The following SNX2 variants were observed in gnomAD, a reference collection of about 807,000 sequenced individuals.
SNX2 encodes the protein sorting nexin-2.
Under a neutral mutation model 69.9 loss-of-function variants are expected in SNX2, and 25 were observed. The observed-to-expected ratio is 0.36, with a 90% confidence interval of 0.26 to 0.50. SNX2 has a LOEUF of 0.50. SNX2 is among the 20% of genes least tolerant of loss of function. The pLI, the probability that SNX2 is intolerant of heterozygous loss-of-function variation, is 0.97. For synonymous variants in SNX2, 229 were observed against 200.4 expected, an observed-to-expected ratio of 1.14 and a Z score of -1.20; for missense variants, 551 against 613.3, an observed-to-expected ratio of 0.90 and a Z score of 1.07.
In SNX2 at chr5:122,808,367, C is replaced by G. The variant is rs769902189; in HGVS notation, c.722+12C>G. On this transcript the variant is annotated intron_variant, in intron 7 of 14. Transcript: ENST00000379516. ...GCAGCTCTTGAAAGGTAATTCTAGA[C>G]AGCTATATTTTATTACTCTCATGTT... is the stretch of plus-strand genomic sequence containing the variant. The G allele has an allele frequency of 3.2e-6, 5 of 1,557,764 alleles. No homozygotes were observed. The highest frequency in any genetic ancestry group is 4.4e-6 in the Non-Finnish European group (5 of 1,135,294).
At chr5:122,779,697 T>C (rs1752929208) in intron 1 of SNX2, among the ~76,000 whole-genome samples, 1 of 152,234 alleles carries the variant, frequency 6.6e-6, no homozygotes, top group African/African-American at 2.4e-5. Flanking sequence ...CCAGACTGGT[T>C]TCCCAAAATG....
chr5:122,810,375 G>A (rs1225118801), intron 7 of SNX2, among the ~76,000 whole-genome samples: 51 of 120,458 alleles, frequency 4.2e-4, no homozygotes, highest in Non-Finnish European at 6.8e-4. Context: ...CCCCCTCTGC[G>A]AGAAACACCC....
At chr5:122,825,333 C>T (rs1269116856) in intron 11 of SNX2, among the ~76,000 whole-genome samples, 2 of 152,040 alleles carry the variant, frequency 1.3e-5, no homozygotes, top group East Asian at 1.9e-4. Context: ...CTTCTAATTA[C>T]ACTAATTTGT....
intron 1 of SNX2, among the ~76,000 whole-genome samples, chr5:122,784,988 T>G (rs1753051089): frequency 1.3e-5 from 2 of 152,202 alleles, no homozygotes; most frequent in African/African-American, 4.8e-5. Context: ...GTTGTGAAAT[T>G]TATGGGCATA....
intron 1 of SNX2, among the ~76,000 whole-genome samples, chr5:122,780,101 G>A (rs1259713764): frequency 1.3e-5 from 2 of 152,194 alleles, no homozygotes; most frequent in Admixed American, 1.3e-4. Flanking sequence ...TTCACTTGAG[G>A]TTATGTTATA....
At chr5:122,787,403 C>G (rs1156738930) in intron 1 of SNX2, among the ~76,000 whole-genome samples, 1 of 152,008 alleles carries the variant, frequency 6.6e-6, no homozygotes, top group African/African-American at 2.4e-5. Context: ...GCCTGTAGTT[C>G]CAGCTATTTG....
At position 122,783,283 on chromosome 5, in the gene SNX2, C is replaced by T. The variant is rs535403448; in HGVS notation, c.108+8072C>T. Among the ~76,000 whole-genome samples the T allele has an allele frequency of 1.1e-3, 172 of 152,212 alleles. 1 individual carries two copies. The highest frequency in any genetic ancestry group is 3.8e-3 in the African/African-American group (159 of 41,560). On this transcript the variant is annotated intron_variant, in intron 1 of 14. Coordinates refer to ENST00000379516, the MANE Select transcript of SNX2 (RefSeq NM_003100.4). Reference sequence around the variant, plus strand: ...TTTGTTTGATTAACCGTATCTTTCTCAGAGCAGATGTTTAACATTAACATT... The same window carrying T: ...TTTGTTTGATTAACCGTATCTTTCTTAGAGCAGATGTTTAACATTAACATT...
At chr5:122,824,939 C>T (rs2150017726) in intron 11 of SNX2, among the ~76,000 whole-genome samples, 1 of 152,212 alleles carries the variant, frequency 6.6e-6, no homozygotes, top group Admixed American at 6.5e-5. Context: ...GACATCACTT[C>T]CCACCTTTCG....
intron 5 of SNX2, 111 bp downstream of exon 5, chr5:122,802,235 T>C: frequency 1.1e-6 from 1 of 942,956 alleles, no homozygotes; most frequent in Non-Finnish European, 1.7e-6. Context: ...GGTTACCACC[T>C]AATAAAGATT....
At chr5:122,825,733 A>C (rs1754136168) in intron 11 of SNX2, among the ~76,000 whole-genome samples, 1 of 152,106 alleles carries the variant, frequency 6.6e-6, no homozygotes, top group South Asian at 2.1e-4. Context: ...CCTATTAAAG[A>C]CATCTTCAAA....
chr5:122,797,722 C>A (rs1430394849), intron 2 of SNX2, among the ~76,000 whole-genome samples: 2 of 152,116 alleles, frequency 1.3e-5, no homozygotes, highest in African/African-American at 4.8e-5. Context: ...ATACATGTCT[C>A]AAAGTATGTC....
intron 12 of SNX2, among the ~76,000 whole-genome samples, 166 bp downstream of exon 12, chr5:122,826,359 T>C (rs1238170726): frequency 6.6e-6 from 1 of 151,982 alleles, no homozygotes; most frequent in Non-Finnish European, 1.5e-5. Context: ...ATTATTAAAA[T>C]CTCCAGAGCC....
chr5:122,784,720 GT>G (rs1753044441), intron 1 of SNX2, among the ~76,000 whole-genome samples: 1 of 151,990 alleles, frequency 6.6e-6, no homozygotes, highest in Non-Finnish European at 1.5e-5. Flanking sequence ...TGTATCTTTG[GT>G]TTTCATATGA....
At chr5:122,778,459 C>T (rs953675087) in intron 1 of SNX2, among the ~76,000 whole-genome samples, 1 of 152,040 alleles carries the variant, frequency 6.6e-6, no homozygotes, top group Non-Finnish European at 1.5e-5. Context: ...AAGATAACTC[C>T]TTTCTCCACA....
chr5:122,785,255 T>C (rs1753060186), intron 1 of SNX2, among the ~76,000 whole-genome samples: 1 of 151,808 alleles, frequency 6.6e-6, no homozygotes, highest in Admixed American at 6.6e-5. Context: ...TGCTTTGTGT[T>C]TAATTTGCTC....
At chr5:122,829,201 GT>G in intron 14 of SNX2, among the ~76,000 whole-genome samples, 1 of 56,466 alleles carries the variant, frequency 1.8e-5, no homozygotes, top group Non-Finnish European at 3.7e-5. Flanking sequence ...TGTTGTTTTT[GT>G]TTGTTTGTTT....
rs765424258 is a variant in SNX2, at chr5:122,827,339, T to G, written c.1357-40T>G. ...AGTGGTCTTGACAGTACTATACTTT[T>G]TTTTGAGATAAGCATAAAATATTTC... On this transcript the variant is annotated intron_variant, in intron 12 of 14. Transcript: ENST00000379516. The G allele has an allele frequency of 1.9e-6, 3 of 1,550,554 alleles. No individual in the cohort carries two copies. In the African/African-American group the frequency reaches 4.1e-5, roughly 21 times the overall value.
At chr5:122,785,910 G>T (rs1483862214) in intron 1 of SNX2, among the ~76,000 whole-genome samples, 1 of 152,146 alleles carries the variant, frequency 6.6e-6, no homozygotes, top group Non-Finnish European at 1.5e-5. Flanking sequence ...ATATTTTTCT[G>T]TCTTTCCCTG....
At position 122,821,586 on chromosome 5, in the gene SNX2, C is replaced by T. The variant is rs550200807; in HGVS notation, c.1212+2563C>T. ...TCTCCTGCCTCAGCCTTCCGAGTAG[C>T]TGGGACTACAGGCGCCCACCATCAT... On this transcript the variant is annotated intron_variant, in intron 11 of 14. Coordinates refer to ENST00000379516, the MANE Select transcript of SNX2 (RefSeq NM_003100.4). Among the ~76,000 whole-genome samples, 10 of 151,960 alleles carry T rather than the reference C, an allele frequency of 6.6e-5. No individual in the cohort carries two copies. In the East Asian group the frequency reaches 1.4e-3, roughly 21 times the overall value.
Sources: allele counts gnomAD v4.1 joint callset (sites outside exome capture counted in the v4.1 genomes callset), GRCh38; gene constraint gnomAD v4.1.1; transcripts MANE v1.5; gene names NCBI Gene and HGNC (gene_info 2026-07-23, HGNC 2026-07-21).